Variants in WNT3 observed in about 807,000 individuals in gnomAD.
WNT3 encodes the protein Wnt family member 3, also known as proto-oncogene Wnt-3.
A neutral mutation model predicts 34.2 loss-of-function variants in WNT3; 7 were observed. The observed-to-expected ratio is 0.20, with a 90% CI of 0.12 to 0.38. WNT3 has a LOEUF of 0.38. Ranked by LOEUF, WNT3 falls within the 10% of genes least tolerant of loss-of-function variation. The probability of loss-of-function intolerance (pLI) is 1.00; values close to 1 mark genes in which losing one functional copy is unlikely to be tolerated. For synonymous variants in WNT3, 212 were observed against 211.5 expected, an observed-to-expected ratio of 1.00 and a Z score of -0.02; for missense variants, 267 against 499.8, an observed-to-expected ratio of 0.53 and a Z score of 4.44.
At chr17:46,789,902 C>A (rs757004668) in intron 1 of WNT3, among the ~76,000 whole-genome samples, 1 of 152,230 alleles carries the variant, frequency 6.6e-6, no homozygotes, top group African/African-American at 2.4e-5. Flanking sequence ...CACTCTCTAC[C>A]TTTCAAGGTG....
Position 46,768,419 on chromosome 17 carries a change from C to T in WNT3, c.969G>A (p.Thr323=), listed in dbSNP as rs767605103. 9.9e-6 allele frequency: 16 copies of T among 1,613,996 alleles called. No homozygotes were observed. The highest frequency in any genetic ancestry group is 1.6e-4 in the Middle Eastern group (1 of 6,062). ...LCCGRGHNTR[T]EKRKEKCHCI... is the part of the protein sequence containing the mutation. ...AGTGGCATTTTTCCTTCCGCTTCTC[C>T]GTCCTCGTGTTGTGGCCCCGGCCAC... The change falls in exon 4 of 5, where the codon ACG becomes ACA. Residue 323 remains threonine, a synonymous_variant. Transcript: ENST00000225512. The surrounding 1 kb of genome is among the most constrained non-coding windows in gnomAD (Gnocchi z 5.0).
intron 1 of WNT3, among the ~76,000 whole-genome samples, chr17:46,813,592 A>C (rs1185898335): frequency 6.6e-6 from 1 of 151,836 alleles, no homozygotes; most frequent in East Asian, 1.9e-4. Flanking sequence ...TAGGTGGAAA[A>C]GGTTCTGCTC....
chr17:46,782,548 G>T (rs910252691), intron 1 of WNT3, among the ~76,000 whole-genome samples: 3 of 152,262 alleles, frequency 2.0e-5, no homozygotes, highest in African/African-American at 7.2e-5. Context: ...GGAACCAAGC[G>T]TTGGCTTTGG....
chr17:46,784,776 TC>T (rs200734347), intron 1 of WNT3, among the ~76,000 whole-genome samples: 6,416 of 91,438 alleles, frequency 0.07, 824 homozygotes, highest in East Asian at 0.56. Flanking sequence ...TTTTTGCTTT[TC>T]TTTTTTTTTT....
At chr17:46,786,990 T>C (rs1835367795) in intron 1 of WNT3, among the ~76,000 whole-genome samples, 1 of 151,732 alleles carries the variant, frequency 6.6e-6, no homozygotes, top group Non-Finnish European at 1.5e-5. Context: ...CAGGCTGCAG[T>C]GCAGTGGCAC....
intron 1 of WNT3, among the ~76,000 whole-genome samples, chr17:46,800,543 T>C (rs933447169): frequency 1.4e-4 from 22 of 152,180 alleles, no homozygotes; most frequent in African/African-American, 4.8e-4. Flanking sequence ...ACAAGACAGA[T>C]GCACATGAAG....
chr17:46,805,523 A>G (rs2084183527), intron 1 of WNT3, among the ~76,000 whole-genome samples: 1 of 152,224 alleles, frequency 6.6e-6, no homozygotes, highest in South Asian at 2.1e-4. Context: ...CAGTGAGCCA[A>G]GATCTTGCAA....
intron 1 of WNT3, among the ~76,000 whole-genome samples, chr17:46,812,938 A>G (rs1038455461): frequency 6.6e-6 from 1 of 152,196 alleles, no homozygotes; most frequent in Admixed American, 6.5e-5. Context: ...CACTCATTTT[A>G]CAGATGAGGA....
chr17:46,775,548 G>A (rs2059405772), intron 1 of WNT3, among the ~76,000 whole-genome samples: 1 of 152,000 alleles, frequency 6.6e-6, no homozygotes, highest in South Asian at 2.1e-4. Context: ...ACATCTGTGA[G>A]GCATTCCAGG....
In WNT3 at chr17:46,818,523, A is replaced by C. The variant is rs1327582900; in HGVS notation, c.75T>G (p.Ile25Met). The change falls in exon 1 of 5, where the codon ATT (isoleucine) becomes ATG (methionine). Residue 25 changes from isoleucine to methionine, a missense_variant. By Grantham distance (10) the Ile-to-Met change is conservative. Coordinates refer to ENST00000225512, the MANE Select transcript of WNT3 (RefSeq NM_030753.5). ...AGACAAGAGGCGAGTCTTACCACCAAATTGGGTAGCCAGCGAGGACCCTGG... is the reference window on the plus strand; with the variant it reads ...AGACAAGAGGCGAGTCTTACCACCACATTGGGTAGCCAGCGAGGACCCTGG... ...GGTRVLAGYP[I>M]WWSLALGQQY... The C allele has an allele frequency of 6.2e-7, 1 of 1,606,900 alleles. No homozygotes were observed. Among genetic ancestry groups the C allele is most frequent in the East Asian group, 2.2e-5 (1 of 44,606 alleles).
chr17:46,783,816 C>T (rs773877970), intron 1 of WNT3, among the ~76,000 whole-genome samples: 7 of 152,200 alleles, frequency 4.6e-5, no homozygotes, highest in Admixed American at 3.9e-4. Flanking sequence ...GGTCTAGGAG[C>T]CACACAGAGA....
At position 46,768,472 on chromosome 17, in the gene WNT3, C is replaced by T. The variant is rs757727243; in HGVS notation, c.916G>A (p.Gly306Ser). The change falls in exon 4 of 5, where the codon GGC becomes AGC. Residue 306 changes from glycine (G) to serine (S), a missense_variant. Coordinates refer to ENST00000225512, the MANE Select transcript of WNT3 (RefSeq NM_030753.5). The surrounding 1 kb of genome is among the most constrained non-coding windows in gnomAD (Gnocchi z 5.0). ...RDRTCNVTSH[G>S]IDGCDLLCCG... ...CAGAGCAGATCGCAGCCATCGATGCCGTGGGAGGTGACATTGCAAGTCCGG... is the reference window on the plus strand; with the variant it reads ...CAGAGCAGATCGCAGCCATCGATGCTGTGGGAGGTGACATTGCAAGTCCGG... 3 of 1,614,048 alleles carry T rather than the reference C, an allele frequency of 1.9e-6. No individual in the cohort carries two copies. The highest frequency in any genetic ancestry group is 1.1e-5 in the South Asian group (1 of 91,088).
intron 1 of WNT3, among the ~76,000 whole-genome samples, chr17:46,796,741 C>G (rs1473276973): frequency 6.6e-6 from 1 of 152,222 alleles, no homozygotes; most frequent in African/African-American, 2.4e-5. Context: ...CCTGATCAGT[C>G]CCTGGTTCCT....
In WNT3 at chr17:46,773,996, G is replaced by T. The variant is rs553257791; in HGVS notation, c.81-87C>A. The T allele has an allele frequency of 1.7e-5, 26 of 1,535,350 alleles. No homozygotes were observed. The South Asian group carries it at 3.0e-4, about 18-fold the overall frequency. On this transcript the variant is annotated intron_variant, in intron 1 of 4. Transcript: ENST00000225512. ...CATGGCCGCTTTGTGAACCCTCCGG[G>T]GTAGGTGGAGAGGCAGAGGGCCTGT...
intron 1 of WNT3, among the ~76,000 whole-genome samples, chr17:46,801,536 C>A (rs2084125006): frequency 6.6e-6 from 1 of 152,180 alleles, no homozygotes; most frequent in Admixed American, 6.5e-5. Flanking sequence ...AGGAGAATAG[C>A]TTGAACCTGG....
chr17:46,808,859 C>T lies in WNT3; in HGVS notation c.80+9659G>A, dbSNP rs186532909. Among the ~76,000 whole-genome samples, 211 of 152,222 alleles carry T rather than the reference C, an allele frequency of 1.4e-3. 1 individual carries two copies. Among genetic ancestry groups the T allele is most frequent in the Non-Finnish European group, 2.2e-3 (151 of 68,002 alleles). ...GACACTGTGGAGAAAAGGCTCATCT[C>T]CACTCCTGGGACAGCAGCCTGCTCA... On this transcript the variant is annotated intron_variant, in intron 1 of 4. Transcript: ENST00000225512.
At chr17:46,809,361 G>A (rs1319319776) in intron 1 of WNT3, among the ~76,000 whole-genome samples, 2 of 152,298 alleles carry the variant, frequency 1.3e-5, no homozygotes, top group African/African-American at 2.4e-5. Context: ...TTCCTTGCCG[G>A]CCCAGCTGGC....
rs1183437592 is a variant in WNT3 at position 46,816,468 on chromosome 17, AACACACGCAC to A, written c.80+2040_80+2049del. 1.1e-4 allele frequency among the ~76,000 whole-genome samples: 11 copies of A among 96,528 alleles called. No individual in the cohort carries two copies. In the East Asian group the frequency reaches 4.5e-3, roughly 39 times the overall value. The allele number at this position is 96,528 out of a possible 152,430, so 63.3% of individuals were successfully genotyped here. The stretch of plus-strand genomic sequence containing the variant: ...ACACCTCTTAGGGTCATAGACCCAG[AACACACGCAC>A]ACACACACACACACACACACACACA... On this transcript the variant is annotated intron_variant, in intron 1 of 4. Transcript: ENST00000225512.
intron 2 of WNT3, among the ~76,000 whole-genome samples, chr17:46,772,580 A>G (rs1045306151): frequency 6.6e-6 from 1 of 152,252 alleles, no homozygotes; most frequent in East Asian, 1.9e-4. Context: ...CAAATCTTTT[A>G]TGTCAACAAG....
Sources: allele counts gnomAD v4.1 joint callset (sites outside exome capture counted in the v4.1 genomes callset), GRCh38; gene constraint gnomAD v4.1.1; non-coding constraint Gnocchi (gnomAD v3.1); transcripts MANE v1.5; gene names NCBI Gene and HGNC (gene_info 2026-07-23, HGNC 2026-07-21).